Variants in BCAS3 observed in about 807,000 individuals in gnomAD.
The protein encoded by BCAS3 is BCAS3 microtubule associated cell migration factor.
In BCAS3, 53 loss-of-function variants were observed where a neutral mutation model predicts 116.1. The observed-to-expected ratio is 0.46, with a 90% CI of 0.37 to 0.57. The LOEUF (loss-of-function observed/expected upper bound fraction) is 0.57. Among genes scored for constraint, BCAS3 ranks in the 20% least tolerant of loss-of-function variants. The pLI, the probability that BCAS3 is intolerant of heterozygous loss-of-function variation, is 0.00. For missense variants in BCAS3, 917 were observed against 1,165.4 expected, an observed-to-expected ratio of 0.79 and a Z score of 3.10; for synonymous variants, 391 against 408.2, an observed-to-expected ratio of 0.96 and a Z score of 0.51.
chr17:60,685,188 C>T (rs776933417), intron 3 of BCAS3, among the ~76,000 whole-genome samples: 14 of 152,042 alleles, frequency 9.2e-5, no homozygotes, highest in South Asian at 2.1e-4. Flanking sequence ...GACTTTGGGC[C>T]GGGTGCGGTG....
chr17:61,145,359 T>A lies in BCAS3; in HGVS notation c.2425+60795T>A, dbSNP rs1374215925. Among the ~76,000 whole-genome samples the A allele has an allele frequency of 6.6e-6, 1 of 152,198 alleles. No individual in the cohort carries two copies. The highest frequency in any genetic ancestry group is 1.5e-5 in the Non-Finnish European group (1 of 68,038). On this transcript the variant is annotated intron_variant, in intron 22 of 23. Coordinates refer to ENST00000407086, the MANE Select transcript of BCAS3 (RefSeq NM_017679.5). This position sits in a 1 kb window ranked among gnomAD's most constrained non-coding sequence, Gnocchi z 5.0. ...GCAGAAAGGAGCAGCCTGACCAAAT[T>A]TACGCTCACAAGATCTCTTAATTCA... is the stretch of plus-strand genomic sequence containing the variant.
intron 7 of BCAS3, among the ~76,000 whole-genome samples, chr17:60,846,534 G>A (rs1254395914): frequency 6.6e-6 from 1 of 152,132 alleles, no homozygotes; most frequent in Non-Finnish European, 1.5e-5. Context: ...GAAGTATGTT[G>A]AAGTCTTTCC....
intron 22 of BCAS3, among the ~76,000 whole-genome samples, chr17:61,359,170 G>A (rs747917866): frequency 6.6e-6 from 1 of 152,234 alleles, no homozygotes; most frequent in African/African-American, 2.4e-5. Context: ...CTCTGGCCCA[G>A]TGTTCCCTCA....
At chr17:61,351,109 G>A (rs2057816548) in intron 22 of BCAS3, among the ~76,000 whole-genome samples, 2 of 152,208 alleles carry the variant, frequency 1.3e-5, no homozygotes, top group Admixed American at 6.5e-5. Context: ...AACAATTATT[G>A]GGCACCTGTT....
At chr17:60,847,479 T>C (rs2052644396) in intron 7 of BCAS3, among the ~76,000 whole-genome samples, 1 of 152,230 alleles carries the variant, frequency 6.6e-6, no homozygotes, top group African/African-American at 2.4e-5. Flanking sequence ...TTTCTTCATA[T>C]TCTTACCAAT....
intron 22 of BCAS3, among the ~76,000 whole-genome samples, chr17:61,212,049 T>A (rs2038788165): frequency 1.3e-5 from 2 of 152,228 alleles, no homozygotes; most frequent in South Asian, 4.1e-4. Context: ...ACAAAGCAGC[T>A]AATGTTAGAA....
At chr17:60,732,991 G>A (rs1364262596) in intron 5 of BCAS3, among the ~76,000 whole-genome samples, 1 of 152,076 alleles carries the variant, frequency 6.6e-6, no homozygotes, top group East Asian at 1.9e-4. Context: ...ATAACATTAA[G>A]GTAGAATAGT....
At chr17:61,055,003 C>A (rs778610349) in intron 19 of BCAS3, among the ~76,000 whole-genome samples, 3 of 152,134 alleles carry the variant, frequency 2.0e-5, no homozygotes, top group South Asian at 2.1e-4. Flanking sequence ...TGCTATCTCA[C>A]GTAAGTTTAA....
chr17:60,738,340 T>A (rs756574637), intron 5 of BCAS3, among the ~76,000 whole-genome samples: 7 of 152,206 alleles, frequency 4.6e-5, no homozygotes. Flanking sequence ...TTCATCTCTT[T>A]CTCTTTGTCA....
At chr17:61,075,894 C>G (rs8072695) in intron 20 of BCAS3, among the ~76,000 whole-genome samples, 1 of 151,952 alleles carries the variant, frequency 6.6e-6, no homozygotes, top group Admixed American at 6.6e-5. Context: ...ACTGCAGGCA[C>G]GCATCACCAT....
chr17:61,246,892 C>A (rs1243679893), intron 22 of BCAS3, among the ~76,000 whole-genome samples: 1 of 150,932 alleles, frequency 6.6e-6, no homozygotes, highest in Non-Finnish European at 1.5e-5. Context: ...TGATGTTATC[C>A]CATCATTCGG....
At chr17:61,024,559 G>A (rs1311041914) in intron 16 of BCAS3, among the ~76,000 whole-genome samples, 1 of 151,864 alleles carries the variant, frequency 6.6e-6, no homozygotes, top group Non-Finnish European at 1.5e-5. Context: ...TGAGTTTTAC[G>A]GTGCATTTTA....
chr17:61,341,959 A>T (rs2057188077), intron 22 of BCAS3, among the ~76,000 whole-genome samples: 1 of 152,234 alleles, frequency 6.6e-6, no homozygotes, highest in African/African-American at 2.4e-5. Flanking sequence ...TGATTATGAG[A>T]CGTGGACAGG....
At chr17:61,086,662 A>T in intron 22 of BCAS3, 1 of 985,076 alleles carries the variant, frequency 1.0e-6, no homozygotes, top group African/African-American at 1.7e-5. Flanking sequence ...GTAGGAAAGA[A>T]CTTCTTGGTG....
intron 6 of BCAS3, among the ~76,000 whole-genome samples, chr17:60,785,646 A>C (rs2046223828): frequency 6.6e-6 from 1 of 152,208 alleles, no homozygotes; most frequent in South Asian, 2.1e-4. Context: ...TTAGGTGTAT[A>C]TTTGTTGACC....
intron 15 of BCAS3, among the ~76,000 whole-genome samples, chr17:60,999,560 A>G (rs192439866): frequency 1.5e-4 from 22 of 149,656 alleles, no homozygotes; most frequent in East Asian, 9.7e-4. Flanking sequence ...AAAAAAAAAA[A>G]AAAAGAAAAA....
rs549835915 is a variant in BCAS3 at position 60,931,216 on chromosome 17, C to G, written c.1087+6716C>G. 2.3e-3 allele frequency among the ~76,000 whole-genome samples: 355 copies of G among 152,064 alleles called. 1 individual carries two copies. Among genetic ancestry groups the G allele is most frequent in the Non-Finnish European group, 1.2e-3 (83 of 67,990 alleles). ...ATATGGGCAGTGTAAATTTGTTGCT[C>G]TCAGGGACAAAGTGAATAACATTTT... On this transcript the variant is annotated intron_variant, in intron 13 of 23. Transcript: ENST00000407086.
intron 22 of BCAS3, among the ~76,000 whole-genome samples, chr17:61,274,281 ATTTTTTT>A (rs780529516): frequency 1.5e-4 from 14 of 96,232 alleles, no homozygotes; most frequent in East Asian, 3.0e-4. Context: ...AAATCTTTGA[ATTTTTTT>A]TTTTTTTTTT....
intron 22 of BCAS3, among the ~76,000 whole-genome samples, chr17:61,191,536 G>A (rs1470885259): frequency 6.6e-6 from 1 of 152,160 alleles, no homozygotes; most frequent in Non-Finnish European, 1.5e-5. Flanking sequence ...AGTGCTTTGG[G>A]AGTCCGAGGC....
Sources: allele counts gnomAD v4.1 joint callset (sites outside exome capture counted in the v4.1 genomes callset), GRCh38; gene constraint gnomAD v4.1.1; non-coding constraint Gnocchi (gnomAD v3.1); transcripts MANE v1.5; gene names NCBI Gene and HGNC (gene_info 2026-07-23, HGNC 2026-07-21).